GAK: variants seen among roughly 807,000 people sequenced by gnomAD.
GAK encodes cyclin G associated kinase, also known as cyclin-G-associated kinase.
GAK carries 79 observed loss-of-function variants against 143.9 expected under a neutral mutation model. The ratio of observed to expected loss-of-function variants is 0.55; its 90% CI spans 0.46 to 0.66. GAK has a LOEUF of 0.66. Ranked by LOEUF, GAK falls within the 30% of genes least tolerant of loss-of-function variation. The pLI, the probability that GAK is intolerant of heterozygous loss-of-function variation, is 0.00. For missense variants in GAK, 1,693 were observed against 1,779.7 expected (o/e 0.95, Z 0.88); for synonymous variants, 881 against 765.5 (o/e 1.15, Z -2.49).
chr4:903,187 C>CAG (rs1720281070), intron 5 of GAK, among the ~76,000 whole-genome samples: 1 of 152,116 alleles, frequency 6.6e-6, no homozygotes, highest in Non-Finnish European at 1.5e-5. Flanking sequence ...AGCCCAGCCC[C>CAG]AGTCTAGAAG....
Position 849,930 on chromosome 4 carries a change from G to A in GAK, c.3796C>T (p.His1266Tyr), listed in dbSNP as rs1302761715. ...ACAGCCAGCACCGCGCGGCGATAGTGCTTCTTCACTTGCTCCGGAGCCACC... is the reference window on the plus strand; with the variant it reads ...ACAGCCAGCACCGCGCGGCGATAGTACTTCTTCACTTGCTCCGGAGCCACC... The part of the protein sequence containing the change: ...DLVAPEQVKK[H>Y]YRRAVLAVHP... The change falls in exon 27 of 28, where the codon CAC (histidine) becomes TAC (tyrosine). Residue 1266 changes from histidine (H) to tyrosine (Y), a missense_variant. Physicochemically the swap from His to Tyr is moderately conservative, Grantham distance 83. Around this residue, in one of 2 missense-constraint regions of GAK, gnomAD observed 822 missense variants for 788.7 expected, o/e 1.04. Transcript: ENST00000314167. The A allele has an allele frequency of 1.2e-6, 2 of 1,610,832 alleles. No individual in the cohort carries two copies. Among genetic ancestry groups the A allele is most frequent in the Non-Finnish European group, 1.7e-6 (2 of 1,179,162 alleles).
At chr4:866,885 G>A in intron 21 of GAK, 71 bp downstream of exon 21, 1 of 1,154,314 alleles carries the variant, frequency 8.7e-7, no homozygotes, top group Non-Finnish European at 1.2e-6. Flanking sequence ...ACACGCCCAT[G>A]CAGTGAGAAT....
At chr4:914,453 A>T (rs1166742292) in intron 1 of GAK, among the ~76,000 whole-genome samples, 4 of 70,276 alleles carry the variant, frequency 5.7e-5, no homozygotes, top group Admixed American at 1.8e-4. Context: ...CCCCACACAC[A>T]CAGCCCCAGT....
intron 4 of GAK, among the ~76,000 whole-genome samples, chr4:906,962 T>TAA (rs1721188086): frequency 2.6e-5 from 4 of 152,118 alleles, no homozygotes; most frequent in Admixed American, 1.3e-4. Flanking sequence ...CCACACCACC[T>TAA]AAACGTGCAC....
intron 24 of GAK, among the ~76,000 whole-genome samples, chr4:857,361 C>A (rs1749473801): frequency 6.6e-6 from 1 of 152,210 alleles, no homozygotes; most frequent in South Asian, 2.1e-4. Flanking sequence ...CTCCGTCTCT[C>A]CTGCTTCCTG....
At chr4:852,458 G>A (rs1377545560) in intron 24 of GAK, 3 of 166,340 alleles carry the variant, frequency 1.8e-5, no homozygotes, top group African/African-American at 7.6e-5. Flanking sequence ...TTTTTTTTTT[G>A]AGACGGAATC....
At chr4:913,516 C>T (rs915665343) in intron 2 of GAK, 91 bp downstream of exon 2, 36 of 986,204 alleles carry the variant, frequency 3.7e-5, no homozygotes, top group Middle Eastern at 2.1e-4. Context: ...AAACAAAGTA[C>T]GTAACAGGGA....
At chr4:912,338 A>AG (rs1722193792) in intron 3 of GAK, 2 of 368,724 alleles carry the variant, frequency 5.4e-6, no homozygotes, top group African/African-American at 2.1e-5. Context: ...AAGGGACGAG[A>AG]GGGGCGGCTG....
intron 23 of GAK, among the ~76,000 whole-genome samples, chr4:864,541 A>C (rs1156375720): frequency 6.6e-6 from 1 of 152,202 alleles, no homozygotes; most frequent in Non-Finnish European, 1.5e-5. Context: ...CCGCGCTACC[A>C]GACGCCGCGG....
intron 25 of GAK, 92 bp downstream of exon 25, chr4:851,658 C>T: frequency 7.4e-7 from 1 of 1,347,350 alleles, no homozygotes; most frequent in South Asian, 1.2e-5. Context: ...CAGGACTGGG[C>T]TCTGAGATGA....
rs776944192 is a variant in GAK at position 883,480 on chromosome 4, T to G, written c.1256-17A>C. The G allele has an allele frequency of 6.2e-7, 1 of 1,612,514 alleles. No individual in the cohort carries two copies. The highest frequency in any genetic ancestry group is 8.5e-7 in the Non-Finnish European group (1 of 1,179,710). ...ATGACATCACTGAAACAAGCAGACCTGCGTCAGCACCTGGGAGATGCGCAC... is the reference window on the plus strand; with the variant it reads ...ATGACATCACTGAAACAAGCAGACCGGCGTCAGCACCTGGGAGATGCGCAC... On this transcript the variant is annotated splice_polypyrimidine_tract_variant and intron_variant, in intron 12 of 27. Coordinates refer to ENST00000314167, the MANE Select transcript of GAK (RefSeq NM_005255.4).
intron 18 of GAK, among the ~76,000 whole-genome samples, chr4:876,237 G>A (rs1463800285): frequency 2.0e-5 from 3 of 151,496 alleles, no homozygotes; most frequent in Admixed American, 6.6e-5. Flanking sequence ...GCTCAGGAAC[G>A]TTTGCTAAGA....
intron 5 of GAK, among the ~76,000 whole-genome samples, chr4:898,569 T>C (rs1213808910): frequency 6.6e-6 from 1 of 152,192 alleles, no homozygotes. Context: ...CAGTTAATAA[T>C]GGGGCTCACA....
intron 1 of GAK, among the ~76,000 whole-genome samples, chr4:920,767 C>T (rs1327525027): frequency 2.0e-5 from 3 of 152,122 alleles, no homozygotes; most frequent in African/African-American, 4.8e-5. Flanking sequence ...TGGTCTCGAT[C>T]TCCTGACCTC....
rs1449309266 is a variant in GAK, at chr4:889,459, C to G, written c.1082-489G>C. 5.3e-5 allele frequency among the ~76,000 whole-genome samples: 8 copies of G among 152,036 alleles called. No homozygotes were observed. The South Asian group carries it at 1.7e-3, about 32-fold the overall frequency. ...ACAAGTGGTGTTAAAAAAAAAACAC[C>G]TGGCCAAAGTCCCTCATGCAGACAG... On this transcript the variant is annotated intron_variant, in intron 10 of 27. Transcript: ENST00000314167.
At chr4:898,655 A>G (rs1042189752) in intron 5 of GAK, among the ~76,000 whole-genome samples, 1 of 152,240 alleles carries the variant, frequency 6.6e-6, no homozygotes, top group Admixed American at 6.5e-5. Flanking sequence ...TGAGGTCAGG[A>G]GTTCGAGACA....
intron 5 of GAK, among the ~76,000 whole-genome samples, chr4:903,665 TG>T (rs1720451758): frequency 9.0e-6 from 1 of 111,276 alleles, no homozygotes. Context: ...GAGCGTGGGG[TG>T]AGCAGGAGTG....
chr4:861,264 G>C (rs1750225864), intron 23 of GAK, among the ~76,000 whole-genome samples: 1 of 152,142 alleles, frequency 6.6e-6, no homozygotes, highest in Admixed American at 6.6e-5. Context: ...TCAAAAGCTA[G>C]GAACAACTGA....
chr4:879,279 T>C (rs562006126), intron 15 of GAK, among the ~76,000 whole-genome samples: 1 of 152,338 alleles, frequency 6.6e-6, no homozygotes, highest in African/African-American at 2.4e-5. Context: ...GAGCTGTGCG[T>C]TTCTGTCCCA....
Sources: gnomAD v4.1 joint callset for allele counts (sites outside exome capture counted in the v4.1 genomes callset) on GRCh38, gnomAD v4.1.1 for gene constraint, gnomAD v4.1.1 regional missense constraint, MANE v1.5 for transcripts, NCBI Gene and HGNC (gene_info 2026-07-23, HGNC 2026-07-21) for gene names.